The following DNAJC6 variants were observed in gnomAD, a reference collection of about 807,000 sequenced individuals.
DNAJC6 encodes the protein auxilin.
DNAJC6 carries 34 observed loss-of-function variants against 110.0 expected under a neutral mutation model. The observed-to-expected ratio is 0.31, with a 90% CI of 0.24 to 0.41. The LOEUF (loss-of-function observed/expected upper bound fraction) is 0.41. DNAJC6 is among the 10% of genes least tolerant of loss of function. The pLI, the probability that DNAJC6 is intolerant of heterozygous loss-of-function variation, is 1.00. For synonymous variants in DNAJC6, 406 were observed against 437.2 expected (o/e 0.93, Z 0.89); for missense variants, 1,031 against 1,207.8 (o/e 0.85, Z 2.17).
Position 65,309,946 on chromosome 1 carries a change from T to A in DNAJC6, c.193+8T>A. The A allele has an allele frequency of 2.8e-6, 4 of 1,450,010 alleles. No individual in the cohort carries two copies. The highest frequency in any genetic ancestry group is 3.6e-6 in the Non-Finnish European group (4 of 1,101,278). 89.8% of individuals were successfully genotyped at this position (1,450,010 alleles called of 1,614,324 possible). A position where few individuals can be genotyped will look rare whatever the true frequency, so the allele number is the denominator to read the frequency against. On this transcript the variant is annotated splice_region_variant and intron_variant, in intron 1 of 18. Coordinates refer to ENST00000371069, the MANE Select transcript of DNAJC6 (RefSeq NM_001256864.2). ...GCACCATGGACAGCTCAGGTAGCGC[T>A]GCCCGAGGGGAGTGCAGCGCTGAGC... is the stretch of plus-strand genomic sequence containing the variant.
At chr1:65,273,665 AGT>A (rs1653577232) in intron 1 of DNAJC6, among the ~76,000 whole-genome samples, 1 of 152,128 alleles carries the variant, frequency 6.6e-6, no homozygotes, top group Non-Finnish European at 1.5e-5. Flanking sequence ...TACACCTGCA[AGT>A]ATTGTTATAT....
rs148822086 is a variant in DNAJC6, at chr1:65,384,677, A to G, written c.800+351A>G. On this transcript the variant is annotated intron_variant, in intron 6 of 18. Coordinates refer to ENST00000371069, the MANE Select transcript of DNAJC6 (RefSeq NM_001256864.2). ...ACTTATTCACTATCATGAGAACAGC[A>G]TGGGAAAACCCGCCCCCATGATTCA... Among the ~76,000 whole-genome samples, 74 of 152,226 alleles carry G rather than the reference A, an allele frequency of 4.9e-4. 1 individual carries two copies. The East Asian group carries it at 0.01, about 22-fold the overall frequency.
At chr1:65,407,526 G>A (rs1049780614) in intron 16 of DNAJC6, among the ~76,000 whole-genome samples, 20 of 152,100 alleles carry the variant, frequency 1.3e-4, no homozygotes, top group African/African-American at 4.8e-4. Context: ...ACCCTCTACT[G>A]GCTAGAACAC....
chr1:65,309,875 G>C lies in DNAJC6; in HGVS notation c.130G>C (p.Gly44Arg), dbSNP rs1184815094. ...TGGCGGCAAGCAGAGAGTGAACGCCGGGGCAGCGGCGCGGAGTCCCGCCCG... is the reference window on the plus strand; with the variant it reads ...TGGCGGCAAGCAGAGAGTGAACGCCCGGGCAGCGGCGCGGAGTCCCGCCCG... ...GVGGKQRVNA[G>R]AAARSPARQP... Residue 44 changes from glycine (G) to arginine (R), a missense_variant, in exon 1 of 19, where the codon GGG (glycine) becomes CGG (arginine). Coordinates refer to ENST00000371069, the MANE Select transcript of DNAJC6 (RefSeq NM_001256864.2). The C allele has an allele frequency of 6.5e-7, 1 of 1,546,790 alleles. No individual in the cohort carries two copies. Among genetic ancestry groups the C allele is most frequent in the Non-Finnish European group, 8.7e-7 (1 of 1,145,168 alleles).
At chr1:65,320,902 AAAAG>A (rs1233097065) in intron 1 of DNAJC6, among the ~76,000 whole-genome samples, 1 of 152,168 alleles carries the variant, frequency 6.6e-6, no homozygotes, top group Non-Finnish European at 1.5e-5. Context: ...ACAAGCAGGA[AAAAG>A]AAAGAGCAGA....
At chr1:65,379,064 G>T (rs767849874) in intron 4 of DNAJC6, among the ~76,000 whole-genome samples, 1 of 152,236 alleles carries the variant, frequency 6.6e-6, no homozygotes, top group Non-Finnish European at 1.5e-5. Flanking sequence ...TAAACATTTG[G>T]GGGGAGGTCA....
chr1:65,276,750 A>G (rs532933024), intron 1 of DNAJC6, among the ~76,000 whole-genome samples: 6 of 152,280 alleles, frequency 3.9e-5, no homozygotes, highest in African/African-American at 1.2e-4. Flanking sequence ...CTGAAGGAGA[A>G]AACTCCTGTC....
chr1:65,318,764 TAC>T (rs1645170443), intron 1 of DNAJC6, among the ~76,000 whole-genome samples: 2 of 152,106 alleles, frequency 1.3e-5, no homozygotes, highest in South Asian at 4.1e-4. Flanking sequence ...CTGGGCTGAA[TAC>T]CTAGGTGATG....
chr1:65,288,898 G>GT (rs1225229870), intron 1 of DNAJC6, among the ~76,000 whole-genome samples: 1 of 152,024 alleles, frequency 6.6e-6, no homozygotes, highest in African/African-American at 2.4e-5. Flanking sequence ...TACTAATTTA[G>GT]TTTTTTCATT....
intron 1 of DNAJC6, among the ~76,000 whole-genome samples, chr1:65,287,216 AT>A (rs1256173898): frequency 6.6e-6 from 1 of 152,248 alleles, no homozygotes; most frequent in Non-Finnish European, 1.5e-5. Flanking sequence ...TTGTGGTGGT[AT>A]ATTTGTGGGA....
At chr1:65,335,182 A>G (rs922153422) in intron 1 of DNAJC6, among the ~76,000 whole-genome samples, 3 of 150,620 alleles carry the variant, frequency 2.0e-5, no homozygotes, top group Admixed American at 6.6e-5. Context: ...ATCTTGGCTC[A>G]CTGCAACCTC....
intron 4 of DNAJC6, among the ~76,000 whole-genome samples, chr1:65,372,143 TGG>T (rs1388466519): frequency 6.1e-5 from 8 of 131,330 alleles, no homozygotes; most frequent in African/African-American, 2.3e-4. Flanking sequence ...TATTGACATT[TGG>T]GGTGTGTGTG....
intron 1 of DNAJC6, among the ~76,000 whole-genome samples, chr1:65,344,005 A>G (rs1298252361): frequency 6.6e-6 from 1 of 152,210 alleles, no homozygotes; most frequent in Non-Finnish European, 1.5e-5. Flanking sequence ...TCAGACATCG[A>G]CTGCAGGTCT....
intron 1 of DNAJC6, among the ~76,000 whole-genome samples, chr1:65,340,424 A>G (rs1645378483): frequency 1.3e-5 from 2 of 152,144 alleles, no homozygotes. Flanking sequence ...GCCCTTCCAT[A>G]GCTATAGCCA....
Position 65,304,497 on chromosome 1 carries a change from T to C in DNAJC6, c.-131+39565T>C, listed in dbSNP as rs950766240. ...TGTAGCACTTAAATGACTATGGTTT[T>C]CCCCTATGGACATCATTTGGAGGAG... On this transcript the variant is annotated intron_variant, in intron 1 of 19. Coordinates refer to the DNAJC6 transcript ENST00000263441. Among the ~76,000 whole-genome samples the C allele has an allele frequency of 2.6e-5, 4 of 152,296 alleles. No homozygotes were observed. The East Asian group carries it at 7.7e-4, about 29-fold the overall frequency.
chr1:65,314,965 C>T (rs1372240222), intron 1 of DNAJC6, among the ~76,000 whole-genome samples: 1 of 152,258 alleles, frequency 6.6e-6, no homozygotes, highest in Admixed American at 6.5e-5. Flanking sequence ...AACCAAATCT[C>T]GGAAAGTTGG....
intron 1 of DNAJC6, among the ~76,000 whole-genome samples, chr1:65,289,462 G>A (rs1457303612): frequency 6.6e-6 from 1 of 152,150 alleles, no homozygotes; most frequent in South Asian, 2.1e-4. Flanking sequence ...CCAAAATGCT[G>A]AGATTACAGA....
chr1:65,265,054 C>T, intron 1 of DNAJC6: 1 of 821,824 alleles, frequency 1.2e-6, no homozygotes, highest in South Asian at 1.8e-5. Context: ...AATTACCATA[C>T]CTATATTAAC....
intron 1 of DNAJC6, among the ~76,000 whole-genome samples, chr1:65,276,630 A>G (rs1211784475): frequency 1.3e-5 from 2 of 152,018 alleles, no homozygotes; most frequent in Admixed American, 1.3e-4. Flanking sequence ...TTGTCTCTCT[A>G]ATACTGTGAA....
Sources: gnomAD v4.1 joint callset for allele counts (sites outside exome capture counted in the v4.1 genomes callset) on GRCh38, gnomAD v4.1.1 for gene constraint, MANE v1.5 for transcripts, NCBI Gene and HGNC (gene_info 2026-07-23, HGNC 2026-07-21) for gene names.